Variants in UBE3A observed in about 807,000 individuals in gnomAD.
The protein encoded by UBE3A is ubiquitin protein ligase E3A, also known as ubiquitin-protein ligase E3A.
Under a neutral mutation model 83.4 loss-of-function variants are expected in UBE3A, and 6 were observed. The observed-to-expected ratio is 0.07, with a 90% confidence interval of 0.04 to 0.14. The LOEUF (loss-of-function observed/expected upper bound fraction) is 0.14, where lower values mean the gene tolerates loss of function less well. UBE3A is among the 10% of genes least tolerant of loss of function. The pLI is 1.00. For synonymous variants in UBE3A, 337 were observed against 355.4 expected (o/e 0.95, Z 0.58); for missense variants, 456 against 1,036.1 (o/e 0.44, Z 7.69).
intron 4 of UBE3A, among the ~76,000 whole-genome samples, chr15:25,393,153 T>G (rs1241323429): frequency 6.6e-6 from 1 of 151,958 alleles, no homozygotes; most frequent in Non-Finnish European, 1.5e-5. Context: ...ATGACTACTG[T>G]AATAGTCCGG....
chr15:25,408,289 G>C (rs1011385533), intron 3 of UBE3A: 3 of 370,978 alleles, frequency 8.1e-6, no homozygotes, highest in African/African-American at 2.1e-5. Flanking sequence ...GGCTCCTAAA[G>C]AGTCTACTTA....
chr15:25,377,655 C>G (rs1395749432), intron 4 of UBE3A, among the ~76,000 whole-genome samples: 1 of 152,032 alleles, frequency 6.6e-6, no homozygotes, highest in African/African-American at 2.4e-5. Context: ...TGGAGGAAAA[C>G]AGTGAACATG....
chr15:25,398,810 TATATAA>T lies in UBE3A; in HGVS notation c.62+6645_62+6650del, dbSNP rs1479326475. The stretch of plus-strand genomic sequence containing the variant: ...ATATATATATATATATATATATATA[TATATAA>T]AAATACATATATATCCAAGTGTGAC... On this transcript the variant is annotated intron_variant, in intron 4 of 12. Transcript: ENST00000648336. Among the ~76,000 whole-genome samples, 774 of 71,396 alleles carry T rather than the reference TATATAA, an allele frequency of 0.011. 43 individuals carry two copies. In the East Asian group the frequency reaches 0.13, roughly 12 times the overall value. 46.8% of individuals were successfully genotyped at this position (71,396 alleles called of 152,430 possible). A position where few individuals can be genotyped will look rare whatever the true frequency, so the allele number is the denominator to read the frequency against.
intron 3 of UBE3A, chr15:25,408,470 CA>C (rs1295344288): frequency 1.8e-6 from 2 of 1,101,566 alleles, no homozygotes; most frequent in East Asian, 5.1e-5. Context: ...AAAACTGAAA[CA>C]ATAACCAAAT....
At chr15:25,364,067 TAAATA>T (rs2078606222) in intron 6 of UBE3A, among the ~76,000 whole-genome samples, 1 of 150,444 alleles carries the variant, frequency 6.6e-6, no homozygotes, top group Non-Finnish European at 1.5e-5. Flanking sequence ...AATAAATAAA[TAAATA>T]AAAAATAGTG....
chr15:25,408,457 T>A (rs2089221363), intron 3 of UBE3A: 1 of 994,794 alleles, frequency 1.0e-6, no homozygotes, highest in East Asian at 2.6e-5. Flanking sequence ...AGTCAGAAAT[T>A]TTAAAACTGA....
At chr15:25,434,719 A>T (rs1363361968) in intron 1 of UBE3A, among the ~76,000 whole-genome samples, 1 of 152,194 alleles carries the variant, frequency 6.6e-6, no homozygotes, top group Non-Finnish European at 1.5e-5. Context: ...CAATGTGTGC[A>T]GAGTCCTGAA....
chr15:25,377,732 AT>A (rs1226178181), intron 4 of UBE3A, among the ~76,000 whole-genome samples: 2 of 152,202 alleles, frequency 1.3e-5, no homozygotes, highest in Non-Finnish European at 2.9e-5. Context: ...TAATTTGACA[AT>A]TTTACAAAAA....
intron 4 of UBE3A, among the ~76,000 whole-genome samples, chr15:25,389,152 C>T (rs996174946): frequency 3.9e-5 from 6 of 151,940 alleles, no homozygotes; most frequent in Non-Finnish European, 5.9e-5. Flanking sequence ...CAGAAATGGA[C>T]CCACATAGTC....
intron 4 of UBE3A, among the ~76,000 whole-genome samples, chr15:25,400,927 G>T (rs1596183062): frequency 6.6e-6 from 1 of 152,296 alleles, no homozygotes; most frequent in South Asian, 2.1e-4. Flanking sequence ...TATAACGTTA[G>T]CAGTGTGTTT....
rs1280657470 is a variant in UBE3A, at chr15:25,337,347, T to C, written c.*1790A>G. 1 of 152,148 alleles carries C rather than the reference T, an allele frequency of 6.6e-6. No homozygotes were observed. The highest frequency in any genetic ancestry group is 1.9e-4 in the East Asian group (1 of 5,176). The allele number at this position is 152,148 out of a possible 1,614,324, so 9.4% of individuals were successfully genotyped here. A position where few individuals can be genotyped will look rare whatever the true frequency, so the allele number is the denominator to read the frequency against. The stretch of plus-strand genomic sequence containing the variant: ...CACAGTGGATGAGAAGCCTTTAAGA[T>C]GACTACAGTTGCACGAAGGTCCCTT... On this transcript the variant is annotated 3_prime_UTR_variant, in exon 13 of 13. Transcript: ENST00000648336.
Position 25,432,976 on chromosome 15 carries a change from A to T in UBE3A, c.-165+5513T>A, listed in dbSNP as rs756673513. On this transcript the variant is annotated intron_variant, in intron 1 of 12. Coordinates refer to ENST00000648336, the MANE Select transcript of UBE3A (RefSeq NM_130839.5). ...ATATGATTCTATGTCCCCTAAAAAT[A>T]TCTTTTCCTTTCAGGTCAATCTTAT... 5.7e-4 allele frequency among the ~76,000 whole-genome samples: 86 copies of T among 152,196 alleles called. 2 individuals carry two copies. Among genetic ancestry groups the T allele is most frequent in the Admixed American group, 2.0e-4 (3 of 15,284 alleles).
intron 11 of UBE3A, among the ~76,000 whole-genome samples, chr15:25,349,459 T>C (rs769365616): frequency 1.3e-5 from 2 of 150,798 alleles, no homozygotes; most frequent in African/African-American, 5.0e-5. Flanking sequence ...AAATGAAAAC[T>C]TGGAGAAAAT....
At chr15:25,340,331 G>C in intron 11 of UBE3A, 103 bp from the exon 12 acceptor site, 1 of 1,366,208 alleles carries the variant, frequency 7.3e-7, no homozygotes, top group South Asian at 1.2e-5. Context: ...GAGACAACTT[G>C]GAAGTTAATT....
chr15:25,429,850 CA>C (rs1892541160), intron 1 of UBE3A, among the ~76,000 whole-genome samples: 2 of 149,924 alleles, frequency 1.3e-5, no homozygotes, highest in Non-Finnish European at 3.0e-5. Flanking sequence ...ACTAAAAATA[CA>C]AAAATTAGCC....
At chr15:25,410,253 A>C (rs2089684687) in intron 2 of UBE3A, among the ~76,000 whole-genome samples, 1 of 152,184 alleles carries the variant, frequency 6.6e-6, no homozygotes, top group South Asian at 2.1e-4. Context: ...AGTATGGCAA[A>C]AGATGAAAGC....
chr15:25,339,407 G>GTAAC lies in UBE3A; in HGVS notation c.2499-154_2499-151dup, dbSNP rs1230748607. ...ATGCAAATCATAAACTTTTTGTTGT[G>GTAAC]TAACTACCAAGTTGCCTTTATCCTA... On this transcript the variant is annotated intron_variant, in intron 12 of 12. Coordinates refer to ENST00000648336, the MANE Select transcript of UBE3A (RefSeq NM_130839.5). The GTAAC allele has an allele frequency of 4.1e-6, 4 of 969,978 alleles. No individual in the cohort carries two copies. The East Asian group carries it at 8.4e-5, about 20-fold the overall frequency. The allele number at this position is 969,978 out of a possible 1,614,324, so 60.1% of individuals were successfully genotyped here.
At chr15:25,350,835 C>T (rs1224273916) in intron 11 of UBE3A, among the ~76,000 whole-genome samples, 1 of 152,130 alleles carries the variant, frequency 6.6e-6, no homozygotes, top group Non-Finnish European at 1.5e-5. Flanking sequence ...AGATTCCATT[C>T]ATAAGAAATT....
At chr15:25,383,196 T>C (rs1202549019) in intron 4 of UBE3A, among the ~76,000 whole-genome samples, 1 of 152,218 alleles carries the variant, frequency 6.6e-6, no homozygotes, top group Non-Finnish European at 1.5e-5. Flanking sequence ...TTATATTTCA[T>C]AAATTCTCAA....
Sources: allele counts gnomAD v4.1 joint callset (sites outside exome capture counted in the v4.1 genomes callset), GRCh38; gene constraint gnomAD v4.1.1; transcripts MANE v1.5; gene names NCBI Gene and HGNC (gene_info 2026-07-23, HGNC 2026-07-21).